The following MICAL2 variants were observed in gnomAD, a reference collection of about 807,000 sequenced individuals.
MICAL2 encodes the protein [F-actin]-monooxygenase MICAL2.
A neutral mutation model predicts 127.3 loss-of-function variants in MICAL2; 77 were observed. That is an observed-to-expected ratio of 0.60 (90% CI 0.50 to 0.73). The LOEUF (loss-of-function observed/expected upper bound fraction) is 0.73, where lower values mean the gene tolerates loss of function less well. Among genes scored for constraint, MICAL2 ranks in the 30% least tolerant of loss-of-function variants. The probability of loss-of-function intolerance (pLI) is 0.00; values close to 1 mark genes in which losing one functional copy is unlikely to be tolerated. For missense variants in MICAL2, 1,351 were observed against 1,434.4 expected, an observed-to-expected ratio of 0.94 and a Z score of 0.94; for synonymous variants, 570 against 551.1, an observed-to-expected ratio of 1.03 and a Z score of -0.48.
intron 3 of MICAL2, among the ~76,000 whole-genome samples, chr11:12,185,085 AT>A (rs1730060801): frequency 1.1e-5 from 1 of 91,092 alleles, no homozygotes; most frequent in Non-Finnish European, 2.2e-5. Context: ...GGCTGACTGG[AT>A]GGGTGGGGGG....
At chr11:12,281,195 A>G (rs1157048686) in intron 2 of MICAL2, 8 of 398,146 alleles carry the variant, frequency 2.0e-5, no homozygotes, top group Non-Finnish European at 3.5e-5. Flanking sequence ...AGGTGACAGG[A>G]AGCCTCGCCC....
intron 4 of MICAL2, among the ~76,000 whole-genome samples, chr11:12,206,094 T>C (rs1854643699): frequency 6.6e-6 from 1 of 152,174 alleles, no homozygotes; most frequent in Non-Finnish European, 1.5e-5. Context: ...TTGGATTTAC[T>C]CAGAAAGCTG....
At chr11:12,338,400 CT>C (rs1433292475) in intron 32 of MICAL2, among the ~76,000 whole-genome samples, 1 of 152,170 alleles carries the variant, frequency 6.6e-6, no homozygotes, top group Non-Finnish European at 1.5e-5. Context: ...GGTCTTGACT[CT>C]TTATCCAATT....
chr11:12,213,053 T>G (rs2134195592), intron 6 of MICAL2, among the ~76,000 whole-genome samples: 1 of 150,486 alleles, frequency 6.6e-6, no homozygotes, highest in South Asian at 2.1e-4. Flanking sequence ...GTCCTGTAGA[T>G]TTTAGAAACG....
At chr11:12,352,429 G>T (rs915943499) in intron 33 of MICAL2, among the ~76,000 whole-genome samples, 16 of 152,210 alleles carry the variant, frequency 1.1e-4, no homozygotes, top group Non-Finnish European at 1.8e-4. Flanking sequence ...GGCGACAGAA[G>T]GGTCTGCCTG....
chr11:12,180,233 A>G lies in MICAL2; in HGVS notation c.264+17814A>G, dbSNP rs77092237. On this transcript the variant is annotated intron_variant, in intron 3 of 27. Transcript: ENST00000683283. ...TCTCCTTGAAGTCTCTTCTCCTTGA[A>G]GAGACACCTTGAGGGAGGGGAGAAT... is the stretch of plus-strand genomic sequence containing the variant. Among the ~76,000 whole-genome samples the G allele has an allele frequency of 5.1e-4, 78 of 152,212 alleles. 2 individuals are homozygous for G. In the East Asian group the frequency reaches 0.014, roughly 26 times the overall value.
intron 33 of MICAL2, among the ~76,000 whole-genome samples, chr11:12,351,674 T>C (rs1260209859): frequency 1.3e-5 from 2 of 151,772 alleles, no homozygotes; most frequent in Non-Finnish European, 2.9e-5. Context: ...TGAGGAAGGG[T>C]AGGGTTGGGA....
chr11:12,166,958 C>T (rs926973582), intron 3 of MICAL2, among the ~76,000 whole-genome samples: 9 of 151,612 alleles, frequency 5.9e-5, no homozygotes, highest in Admixed American at 2.0e-4. Context: ...GTGTGGGGTG[C>T]GGGGAAAGGG....
chr11:12,213,275 C>T lies in MICAL2; in HGVS notation c.712C>T (p.Arg238Cys), dbSNP rs760627121. The change falls in exon 7 of 28, where the codon CGT becomes TGT. Residue 238 changes from arginine to cysteine, a missense_variant. Around this residue, in one of 2 missense-constraint regions of MICAL2, gnomAD observed 599 missense variants for 714.9 expected, o/e 0.84. Transcript: ENST00000683283. ...TGCAGGGTTCAGAAGAAAAGAATTC[C>T]GTGGGAAGCTGGCGATTGCCATCAC... ...TLEGFRRKEFRGKLAIAITAN... is the reference protein window; with the variant it reads ...TLEGFRRKEFCGKLAIAITAN... The T allele has an allele frequency of 5.0e-6, 8 of 1,611,826 alleles. No individual in the cohort carries two copies. Among genetic ancestry groups the T allele is most frequent in the African/African-American group, 2.7e-5 (2 of 74,772 alleles).
intron 22 of MICAL2, chr11:12,255,302 ACT>A (rs1027482776): frequency 3.5e-6 from 1 of 282,426 alleles, no homozygotes; most frequent in African/African-American, 2.1e-5. Flanking sequence ...CCACTCCAGA[ACT>A]CTTAGTTGTT....
chr11:12,154,536 C>A (rs902115570), intron 2 of MICAL2, among the ~76,000 whole-genome samples: 1 of 152,192 alleles, frequency 6.6e-6, no homozygotes, highest in African/African-American at 2.4e-5. Context: ...TGCGATCCTA[C>A]ACACATATCA....
chr11:12,218,361 TC>T (rs1247894246), intron 8 of MICAL2, among the ~76,000 whole-genome samples: 1 of 151,826 alleles, frequency 6.6e-6, no homozygotes, highest in Non-Finnish European at 1.5e-5. Flanking sequence ...CCTTCTTCCA[TC>T]CCCCCACTCA....
In MICAL2 at chr11:12,242,536, CCT is replaced by C. The variant is rs371110544; in HGVS notation, c.2556+105_2556+106del. The stretch of plus-strand genomic sequence containing the variant: ...GGGTTCCTCCTCCCTCTGCCCACCC[CCT>C]GTCTCTCATCCTGCTGTGTGTGGTG... On this transcript the variant is annotated intron_variant, in intron 19 of 27. Transcript: ENST00000683283. The C allele has an allele frequency of 7.9e-5, 113 of 1,428,102 alleles. No homozygotes were observed. The African/African-American group carries it at 1.3e-3, about 16-fold the overall frequency. 88.5% of individuals were successfully genotyped at this position (1,428,102 alleles called of 1,614,324 possible).
chr11:12,211,477 G>A (rs188576658), intron 6 of MICAL2, among the ~76,000 whole-genome samples: 1 of 152,348 alleles, frequency 6.6e-6, no homozygotes, highest in Non-Finnish European at 1.5e-5. Context: ...GGAGTACATG[G>A]TGAGCAGATG....
intron 1 of MICAL2, chr11:12,276,278 C>A (rs933788601): frequency 7.5e-6 from 3 of 397,694 alleles, no homozygotes; most frequent in African/African-American, 6.2e-5. Flanking sequence ...TCTGTGCCTC[C>A]ATTTCCTCAT....
intron 1 of MICAL2, among the ~76,000 whole-genome samples, chr11:12,126,214 C>G (rs1015427247): frequency 2.0e-5 from 3 of 152,244 alleles, no homozygotes; most frequent in African/African-American, 7.2e-5. Context: ...GCACCTGAGC[C>G]TCATGTTGGT....
At chr11:12,282,350 C>T (rs1465922536) in intron 2 of MICAL2, among the ~76,000 whole-genome samples, 2 of 152,158 alleles carry the variant, frequency 1.3e-5, no homozygotes, top group African/African-American at 2.4e-5. Context: ...ACTGCGTGGC[C>T]TTGGTGTACC....
At chr11:12,221,032 T>C (rs1288423050) in intron 9 of MICAL2, among the ~76,000 whole-genome samples, 1 of 152,244 alleles carries the variant, frequency 6.6e-6, no homozygotes, top group Non-Finnish European at 1.5e-5. Flanking sequence ...TTCCAAACCA[T>C]GCTTTGGGTG....
downstream of MICAL2, among the ~76,000 whole-genome samples, chr11:12,268,513 A>T (rs1383916562): frequency 6.6e-6 from 1 of 152,190 alleles, no homozygotes; most frequent in East Asian, 1.9e-4. Flanking sequence ...CAGGGTGGGG[A>T]ACACTCCACC....
Sources: gnomAD v4.1 joint callset for allele counts (sites outside exome capture counted in the v4.1 genomes callset) on GRCh38, gnomAD v4.1.1 for gene constraint, gnomAD v4.1.1 regional missense constraint, MANE v1.5 for transcripts, NCBI Gene and HGNC (gene_info 2026-07-23, HGNC 2026-07-21) for gene names.